The following IGF2BP2 variants were observed in gnomAD, a reference collection of about 807,000 sequenced individuals.
IGF2BP2 encodes the protein insulin like growth factor 2 mRNA binding protein 2, also known as insulin-like growth factor 2 mRNA-binding protein 2.
Under a neutral mutation model 75.8 loss-of-function variants are expected in IGF2BP2, and 17 were observed. The ratio of observed to expected loss-of-function variants is 0.22; its 90% CI spans 0.15 to 0.34. The LOEUF is 0.34. Among genes scored for constraint, IGF2BP2 ranks in the 10% least tolerant of loss-of-function variants. The probability of loss-of-function intolerance (pLI) is 1.00; values close to 1 mark genes in which losing one functional copy is unlikely to be tolerated. For synonymous variants in IGF2BP2, 288 were observed against 295.6 expected, an observed-to-expected ratio of 0.97 and a Z score of 0.26; for missense variants, 516 against 772.4, an observed-to-expected ratio of 0.67 and a Z score of 3.93.
intron 3 of IGF2BP2, among the ~76,000 whole-genome samples, chr3:185,697,370 G>A (rs2149354857): frequency 6.6e-6 from 1 of 151,260 alleles, no homozygotes; most frequent in African/African-American, 2.4e-5. Context: ...CCTCCGAAGT[G>A]CTGGGATTTA....
intron 2 of IGF2BP2, among the ~76,000 whole-genome samples, chr3:185,726,290 G>C (rs950428936): frequency 6.6e-6 from 1 of 152,164 alleles, no homozygotes; most frequent in Admixed American, 6.5e-5. Context: ...TCAGAGGAGG[G>C]CCTCTCCATC....
intron 2 of IGF2BP2, among the ~76,000 whole-genome samples, chr3:185,730,630 C>T (rs1344619625): frequency 6.6e-6 from 1 of 152,000 alleles, no homozygotes; most frequent in South Asian, 2.1e-4. Context: ...GACCGGGTTT[C>T]TCCATGTTGG....
At chr3:185,824,548 G>A (rs1333686710) in intron 1 of IGF2BP2, among the ~76,000 whole-genome samples, 5 of 149,250 alleles carry the variant, frequency 3.4e-5, no homozygotes, top group African/African-American at 1.2e-4. Context: ...GGCACGGGGG[G>A]CGCCCCAAGG....
In IGF2BP2 at chr3:185,814,781, G is replaced by T. The variant is rs573604261; in HGVS notation, c.239+8372C>A. Among the ~76,000 whole-genome samples, 2 of 152,056 alleles carry T rather than the reference G, an allele frequency of 1.3e-5. 1 individual carries two copies. Among genetic ancestry groups the T allele is most frequent in the African/African-American group, 4.8e-5 (2 of 41,422 alleles). On this transcript the variant is annotated intron_variant, in intron 2 of 15. Transcript: ENST00000382199. Reference sequence around the variant, plus strand: ...TACTAAACCAAAAAAGTAACAAAATGCATGAGATAAAAGTAACAAATGCAT... The same window carrying T: ...TACTAAACCAAAAAAGTAACAAAATTCATGAGATAAAAGTAACAAATGCAT...
intron 2 of IGF2BP2, among the ~76,000 whole-genome samples, chr3:185,821,916 G>A (rs906117772): frequency 4.6e-5 from 7 of 151,876 alleles, no homozygotes; most frequent in Admixed American, 1.3e-4. Flanking sequence ...AAACCAATTG[G>A]TTACACGTTA....
intron 7 of IGF2BP2, among the ~76,000 whole-genome samples, chr3:185,682,454 G>C (rs1234851427): frequency 6.6e-6 from 1 of 152,126 alleles, no homozygotes; most frequent in Non-Finnish European, 1.5e-5. Context: ...GGACTTCCCA[G>C]AACTGTGAGC....
intron 2 of IGF2BP2, among the ~76,000 whole-genome samples, chr3:185,793,729 T>TAAC (rs1484508178): frequency 6.6e-6 from 1 of 152,144 alleles, no homozygotes; most frequent in Non-Finnish European, 1.5e-5. Flanking sequence ...TTTCTTCTGA[T>TAAC]AACACAACTG....
chr3:185,700,331 C>T (rs1330598177), intron 2 of IGF2BP2, among the ~76,000 whole-genome samples: 1 of 152,172 alleles, frequency 6.6e-6, no homozygotes, highest in Non-Finnish European at 1.5e-5. Context: ...CATTCTAGCT[C>T]CCATATACTA....
chr3:185,654,896 G>C (rs1162802703), intron 12 of IGF2BP2, among the ~76,000 whole-genome samples: 1 of 152,226 alleles, frequency 6.6e-6, no homozygotes, highest in Non-Finnish European at 1.5e-5. Context: ...GCATCACCCA[G>C]ATCTTAGCTC....
At chr3:185,787,958 C>T (rs1038509619) in intron 2 of IGF2BP2, among the ~76,000 whole-genome samples, 6 of 152,074 alleles carry the variant, frequency 3.9e-5, no homozygotes, top group African/African-American at 1.4e-4. Flanking sequence ...CAGATTCATT[C>T]GTGGCAAAAA....
At chr3:185,738,734 T>C (rs921618968) in intron 2 of IGF2BP2, among the ~76,000 whole-genome samples, 4 of 152,242 alleles carry the variant, frequency 2.6e-5, no homozygotes, top group African/African-American at 9.6e-5. Context: ...TTCCTGGTAC[T>C]TCATCCAACA....
At chr3:185,676,560 T>G (rs1431202646) in intron 7 of IGF2BP2, among the ~76,000 whole-genome samples, 1 of 151,774 alleles carries the variant, frequency 6.6e-6, no homozygotes, top group African/African-American at 2.4e-5. Flanking sequence ...CCTGTAGTCC[T>G]AGCTACTTGG....
intron 10 of IGF2BP2, among the ~76,000 whole-genome samples, chr3:185,671,445 G>A (rs1481550186): frequency 2.7e-5 from 4 of 150,186 alleles, no homozygotes; most frequent in African/African-American, 4.9e-5. Flanking sequence ...GCTGAGGCAC[G>A]AGAATAGCTC....
rs1484179656 is a variant in IGF2BP2 at position 185,677,024 on chromosome 3, GAGATAT to G, written c.813-1117_813-1112del. Among the ~76,000 whole-genome samples the G allele has an allele frequency of 1.4e-4, 13 of 93,880 alleles. 1 individual carries two copies. Among genetic ancestry groups the G allele is most frequent in the African/African-American group, 5.8e-4 (13 of 22,382 alleles). 61.6% of individuals were successfully genotyped at this position (93,880 alleles called of 152,430 possible). ...TATGGAGAGATTATATATATGGAGA[GAGATAT>G]ATATATATATGGAGATATATATATA... On this transcript the variant is annotated intron_variant, in intron 7 of 15. Transcript: ENST00000382199.
intron 7 of IGF2BP2, among the ~76,000 whole-genome samples, chr3:185,685,572 T>A (rs1344572138): frequency 6.6e-6 from 1 of 152,198 alleles, no homozygotes; most frequent in East Asian, 1.9e-4. Context: ...ATGTTTGACA[T>A]TATTTGATTC....
At chr3:185,718,107 G>GC (rs1424583308) in intron 2 of IGF2BP2, 2 of 152,196 alleles carry the variant, frequency 1.3e-5, no homozygotes, top group African/African-American at 2.4e-5. Context: ...GCAAACTACG[G>GC]CCCCTGCGCT....
intron 2 of IGF2BP2, among the ~76,000 whole-genome samples, chr3:185,805,929 C>A (rs990587595): frequency 6.6e-6 from 1 of 151,970 alleles, no homozygotes; most frequent in Admixed American, 6.6e-5. Flanking sequence ...CACCACCCCC[C>A]ACCCCCAGCT....
intron 2 of IGF2BP2, among the ~76,000 whole-genome samples, chr3:185,702,547 T>C (rs150212213): frequency 5.9e-5 from 9 of 152,166 alleles, no homozygotes; most frequent in African/African-American, 1.7e-4. Context: ...ACCAAGCTTC[T>C]CTAATTACAG....
chr3:185,753,112 G>C (rs1731168676), intron 2 of IGF2BP2, among the ~76,000 whole-genome samples: 1 of 152,134 alleles, frequency 6.6e-6, no homozygotes, highest in Admixed American at 6.5e-5. Context: ...ATTTTACGCT[G>C]TGCTTCTCAA....
Sources: gnomAD v4.1 joint callset for allele counts (sites outside exome capture counted in the v4.1 genomes callset) on GRCh38, gnomAD v4.1.1 for gene constraint, MANE v1.5 for transcripts, NCBI Gene and HGNC (gene_info 2026-07-23, HGNC 2026-07-21) for gene names.